The following SOCS7 variants were observed in gnomAD, a reference collection of about 807,000 sequenced individuals.
SOCS7 encodes suppressor of cytokine signaling 7.
A neutral mutation model predicts 58.9 loss-of-function variants in SOCS7; 18 were observed. The ratio of observed to expected loss-of-function variants is 0.31; its 90% CI spans 0.21 to 0.45. The LOEUF is 0.45. Ranked by LOEUF, SOCS7 falls within the 20% of genes least tolerant of loss-of-function variation. The pLI is 1.00. For synonymous variants in SOCS7, 388 were observed against 364.3 expected (o/e 1.06, Z -0.74); for missense variants, 667 against 837.3 (o/e 0.80, Z 2.51).
Position 38,366,287 on chromosome 17 carries a change from A to C in SOCS7, c.1253A>C (p.Asp418Ala). The C allele has an allele frequency of 6.2e-7, 1 of 1,613,928 alleles. No homozygotes were observed. The highest frequency in any genetic ancestry group is 8.5e-7 in the Non-Finnish European group (1 of 1,179,920). Reference protein sequence around the residue: ...LPPPPPPHAPDAFPRIAPIRA... With the variant: ...LPPPPPPHAPAAFPRIAPIRA... ...TGACCACCACTGTCTTGCCCTGCAG[A>C]TGCATTTCCCCGGATTGCTCCCATC... Residue 418 changes from aspartate to alanine, a missense_variant and splice_region_variant, in exon 5 of 10, where the codon GAT becomes GCT. Asp to Ala is a moderately radical substitution (Grantham distance 126). Transcript: ENST00000612932.
At chr17:38,382,548 C>T (rs755496321) in intron 7 of SOCS7, among the ~76,000 whole-genome samples, 10 of 151,894 alleles carry the variant, frequency 6.6e-5, no homozygotes, top group East Asian at 1.9e-4. Context: ...TGCAATGGCA[C>T]GATCTCGGCT....
Position 38,368,120 on chromosome 17 carries a change from G to A in SOCS7, c.1552+70G>A, listed in dbSNP as rs182048323. On this transcript the variant is annotated intron_variant, in intron 6 of 9. Transcript: ENST00000612932. ...TCTACCTTTGCTGTCTGACTTTTTT[G>A]TGGAAGAGATTCATAGGAATGGAAC... 476 of 1,387,748 alleles carry A rather than the reference G, an allele frequency of 3.4e-4. 2 individuals are homozygous for A. The African/African-American group carries it at 5.4e-3, about 16-fold the overall frequency. The allele number at this position is 1,387,748 out of a possible 1,614,324, so 86.0% of individuals were successfully genotyped here.
chr17:38,395,790 C>T, intron 8 of SOCS7, 58 bp from the exon 9 acceptor site: 1 of 1,551,202 alleles, frequency 6.4e-7, no homozygotes, highest in Admixed American at 1.8e-5. Flanking sequence ...AAAGGAGTTA[C>T]TTCTTTTATA....
chr17:38,390,640 TTTCCTTCCTTCCTTCCTTCCTTCCTTCC>T (rs60020052), intron 7 of SOCS7, among the ~76,000 whole-genome samples: 17 of 114,408 alleles, frequency 1.5e-4, no homozygotes, highest in South Asian at 6.3e-4. Flanking sequence ...TTTTGTTCGT[TTTCCTTCCTTCCTTCCTTCCTTCCTTCC>T]TTCCTTCCTT....
At chr17:38,387,131 A>ATATATATATATATATG (rs1163854242) in intron 7 of SOCS7, among the ~76,000 whole-genome samples, 1 of 87,908 alleles carries the variant, frequency 1.1e-5, no homozygotes, top group African/African-American at 6.4e-5. Flanking sequence ...ATATATATGT[A>ATATATATATATATATG]TGTATATATA....
At chr17:38,372,381 T>G (rs1458010321) in intron 6 of SOCS7, among the ~76,000 whole-genome samples, 3 of 152,212 alleles carry the variant, frequency 2.0e-5, no homozygotes, top group Non-Finnish European at 2.9e-5. Flanking sequence ...AATATAAAGG[T>G]GCAGTATTAA....
intron 1 of SOCS7, among the ~76,000 whole-genome samples, chr17:38,357,899 A>G (rs1209154616): frequency 1.3e-5 from 2 of 152,212 alleles, no homozygotes; most frequent in South Asian, 2.1e-4. Flanking sequence ...AAACCAGCCA[A>G]TGGTTACATC....
chr17:38,380,767 G>T (rs2037991153), intron 7 of SOCS7, among the ~76,000 whole-genome samples: 2 of 152,214 alleles, frequency 1.3e-5, no homozygotes, highest in South Asian at 4.1e-4. Context: ...GCTGAGGCAG[G>T]AGAATCACTT....
intron 6 of SOCS7, among the ~76,000 whole-genome samples, chr17:38,368,730 G>T (rs1169673562): frequency 2.6e-5 from 4 of 152,128 alleles, no homozygotes; most frequent in Admixed American, 1.3e-4. Flanking sequence ...TCAAACTCCT[G>T]ACCTCAGGTG....
At chr17:38,358,758 C>G (rs1798299641) in intron 1 of SOCS7, among the ~76,000 whole-genome samples, 1 of 152,146 alleles carries the variant, frequency 6.6e-6, no homozygotes, top group African/African-American at 2.4e-5. Flanking sequence ...AGACTTTAGA[C>G]CTTTTACCTT....
At chr17:38,362,634 C>A (rs1199076551) in intron 2 of SOCS7, among the ~76,000 whole-genome samples, 1 of 152,166 alleles carries the variant, frequency 6.6e-6, no homozygotes, top group Non-Finnish European at 1.5e-5. Flanking sequence ...GTTAAGCAGG[C>A]CAATGAGACT....
chr17:38,352,861 G>C lies in SOCS7; in HGVS notation c.809G>C (p.Arg270Pro). ...GPLRPLAGPS[R>P]KGSFKIRLSR... ...CTCCGGCCACTCGCGGGTCCTTCTCGGAAGGGCTCCTTCAAAATCCGCCTC... is the reference window on the plus strand; with the variant it reads ...CTCCGGCCACTCGCGGGTCCTTCTCCGAAGGGCTCCTTCAAAATCCGCCTC... Residue 270 changes from arginine (R) to proline (P), a missense_variant, in exon 1 of 10, where the codon CGG becomes CCG. Physicochemically the swap from Arg to Pro is moderately radical, Grantham distance 103. Transcript: ENST00000612932. The surrounding 1 kb of genome is among the most constrained non-coding windows in gnomAD (Gnocchi z 5.5). 2.5e-6 allele frequency: 4 copies of C among 1,588,920 alleles called. No homozygotes were observed. Among genetic ancestry groups the C allele is most frequent in the Non-Finnish European group, 3.4e-6 (4 of 1,168,238 alleles).
At chr17:38,382,395 A>G (rs1241082458) in intron 7 of SOCS7, among the ~76,000 whole-genome samples, 2 of 145,736 alleles carry the variant, frequency 1.4e-5, no homozygotes, top group Non-Finnish European at 3.0e-5. Context: ...CTGTGATTGC[A>G]CCACCACACT....
chr17:38,397,366 C>A (rs2038258244), intron 9 of SOCS7, among the ~76,000 whole-genome samples: 1 of 152,196 alleles, frequency 6.6e-6, no homozygotes, highest in Non-Finnish European at 1.5e-5. Flanking sequence ...CAAACCTTTG[C>A]CAGTGCATGA....
chr17:38,387,137 A>ATGTGTGTG (rs2038085412), intron 7 of SOCS7, among the ~76,000 whole-genome samples: 1 of 116,744 alleles, frequency 8.6e-6, no homozygotes, highest in African/African-American at 3.8e-5. Context: ...ATGTATGTAT[A>ATGTGTGTG]TATATATATA....
chr17:38,366,098 A>G (rs896521475), intron 4 of SOCS7, 189 bp from the exon 5 acceptor site: 53 of 1,227,050 alleles, frequency 4.3e-5, no homozygotes, highest in Non-Finnish European at 5.5e-5. Context: ...TTCACAGCTT[A>G]CACAAGCCCA....
At chr17:38,356,292 G>T (rs1005053901) in intron 1 of SOCS7, among the ~76,000 whole-genome samples, 6 of 151,884 alleles carry the variant, frequency 4.0e-5, no homozygotes, top group African/African-American at 1.4e-4. Context: ...GAGGCAGGAG[G>T]ATTACTTGTG....
At chr17:38,386,323 CAAAAAAAAAA>C (rs548448434) in intron 7 of SOCS7, among the ~76,000 whole-genome samples, 18 of 51,802 alleles carry the variant, frequency 3.5e-4, no homozygotes, top group African/African-American at 1.1e-3. Context: ...GGCTGTGTCT[CAAAAAAAAAA>C]AAAAAAAAAA....
At chr17:38,364,372 C>A (rs895548748) in intron 2 of SOCS7, among the ~76,000 whole-genome samples, 2 of 152,142 alleles carry the variant, frequency 1.3e-5, no homozygotes, top group Non-Finnish European at 1.5e-5. Context: ...TAACAAGCCA[C>A]TTGGCTTGCT....
Sources: gnomAD v4.1 joint callset for allele counts (sites outside exome capture counted in the v4.1 genomes callset) on GRCh38, gnomAD v4.1.1 for gene constraint, Gnocchi (gnomAD v3.1) non-coding constraint, MANE v1.5 for transcripts, NCBI Gene and HGNC (gene_info 2026-07-23, HGNC 2026-07-21) for gene names.